The following COL22A1 variants were observed in gnomAD, a reference collection of about 807,000 sequenced individuals.
COL22A1 encodes collagen type XXII alpha 1 chain.
COL22A1 carries 221 observed loss-of-function variants against 248.9 expected under a neutral mutation model. The observed-to-expected ratio is 0.89, with a 90% CI of 0.80 to 0.99. The LOEUF (loss-of-function observed/expected upper bound fraction) is 0.99, where lower values mean the gene tolerates loss of function less well. COL22A1 is among the 50% of genes least tolerant of loss of function. The pLI, the probability that COL22A1 is intolerant of heterozygous loss-of-function variation, is 0.00. For synonymous variants in COL22A1, 891 were observed against 793.4 expected (o/e 1.12, Z -2.07); for missense variants, 2,240 against 2,179.0 (o/e 1.03, Z -0.56).
At chr8:138,868,341 G>A (rs989542759) in intron 3 of COL22A1, among the ~76,000 whole-genome samples, 2 of 152,086 alleles carry the variant, frequency 1.3e-5, no homozygotes, top group Non-Finnish European at 2.9e-5. Context: ...AGGAGTGGGA[G>A]AGAATCTTAG....
chr8:138,616,368 C>A (rs1033913206), intron 54 of COL22A1, among the ~76,000 whole-genome samples: 1 of 152,186 alleles, frequency 6.6e-6, no homozygotes, highest in Non-Finnish European at 1.5e-5. Flanking sequence ...TCCACTTGAC[C>A]CTCTCTACAC....
At chr8:138,677,987 A>T (rs1413272116) in intron 40 of COL22A1, among the ~76,000 whole-genome samples, 1 of 152,232 alleles carries the variant, frequency 6.6e-6, no homozygotes, top group Non-Finnish European at 1.5e-5. Context: ...AGAACTCGAT[A>T]TTGCTAGGTA....
At chr8:138,709,027 A>G (rs1828722506) in intron 30 of COL22A1, among the ~76,000 whole-genome samples, 1 of 152,250 alleles carries the variant, frequency 6.6e-6, no homozygotes. Context: ...GCCAACAGAC[A>G]CATGAAAAAA....
At chr8:138,843,961 T>A (rs996123116) in intron 4 of COL22A1, 123 bp downstream of exon 4, 2 of 846,896 alleles carry the variant, frequency 2.4e-6, no homozygotes, top group Non-Finnish European at 4.1e-6. Context: ...TTATCAGGAC[T>A]CTGGTGAAAT....
chr8:138,589,040 CAAT>C lies in COL22A1; in HGVS notation c.*210_*212del, dbSNP rs1329581026. On this transcript the variant is annotated 3_prime_UTR_variant, in exon 65 of 65. Transcript: ENST00000303045. ...AAATAATAATAATAATTAACAACAA[CAAT>C]AATATTAATAATAATCTGACCGACC... The C allele has an allele frequency of 1.6e-5, 8 of 507,478 alleles. No homozygotes were observed. The highest frequency in any genetic ancestry group is 5.1e-4 in the Middle Eastern group (1 of 1,948). 31.4% of individuals were successfully genotyped at this position (507,478 alleles called of 1,614,324 possible). A position where few individuals can be genotyped will look rare whatever the true frequency, so the allele number is the denominator to read the frequency against.
At position 138,623,754 on chromosome 8, in the gene COL22A1, T is replaced by G. The variant is rs1820020505; in HGVS notation, c.3749A>C (p.Lys1250Thr). ...GEEGKEGRDGKPGPPGEPGKA... is the reference protein window; with the variant it reads ...GEEGKEGRDGTPGPPGEPGKA... ...TACCGGCTCTCCAGGGGGACCCGGC[T>G]TTCCATCTCTGCCCTCTTTGCCTTC... Residue 1250 changes from lysine (K) to threonine (T), a missense_variant, in exon 52 of 65, where the codon AAG (lysine) becomes ACG (threonine). By Grantham distance (78) the Lys-to-Thr change is moderately conservative. Coordinates refer to ENST00000303045, the MANE Select transcript of COL22A1 (RefSeq NM_152888.3). 1 of 1,612,500 alleles carries G rather than the reference T, an allele frequency of 6.2e-7. No homozygotes were observed. The highest frequency in any genetic ancestry group is 1.3e-5 in the African/African-American group (1 of 74,822).
At chr8:138,750,241 C>T (rs1188508682) in intron 22 of COL22A1, among the ~76,000 whole-genome samples, 4 of 152,186 alleles carry the variant, frequency 2.6e-5, no homozygotes, top group Admixed American at 6.5e-5. Context: ...TTATTAGCAG[C>T]GTGAGAACAG....
intron 2 of COL22A1, among the ~76,000 whole-genome samples, chr8:138,881,564 A>G (rs1824212363): frequency 6.6e-6 from 1 of 152,208 alleles, no homozygotes; most frequent in South Asian, 2.1e-4. Flanking sequence ...AGGCGCCTGT[A>G]GTCCCAGCTA....
chr8:138,615,123 G>A (rs912951124), intron 55 of COL22A1, among the ~76,000 whole-genome samples: 8 of 152,204 alleles, frequency 5.3e-5, no homozygotes, highest in African/African-American at 1.9e-4. Flanking sequence ...TGGAGCTGGT[G>A]GATTCTGGGC....
intron 5 of COL22A1, among the ~76,000 whole-genome samples, chr8:138,827,543 C>T (rs1309846807): frequency 6.6e-6 from 1 of 152,066 alleles, no homozygotes; most frequent in Admixed American, 6.5e-5. Context: ...GGATGTAGCA[C>T]ATCCTCTTCT....
intron 63 of COL22A1, among the ~76,000 whole-genome samples, chr8:138,592,818 T>G (rs1038101782): frequency 7.2e-5 from 11 of 152,188 alleles, no homozygotes; most frequent in Non-Finnish European, 1.5e-4. Context: ...TTATTATTAA[T>G]TATATAAGCT....
chr8:138,651,515 A>G (rs1822737935), intron 45 of COL22A1, among the ~76,000 whole-genome samples: 1 of 152,182 alleles, frequency 6.6e-6, no homozygotes, highest in East Asian at 1.9e-4. Flanking sequence ...AGCTGATTGG[A>G]TTATTTGGAG....
At chr8:138,834,347 G>GA (rs71316365) in intron 4 of COL22A1, among the ~76,000 whole-genome samples, 7,819 of 128,274 alleles carry the variant, frequency 0.061, 246 homozygotes, top group Non-Finnish European at 0.093. Context: ...AAGAGAAAAA[G>GA]AAAAAAAAAA....
intron 47 of COL22A1, among the ~76,000 whole-genome samples, chr8:138,642,220 G>A (rs1417426121): frequency 6.6e-6 from 1 of 152,172 alleles, no homozygotes; most frequent in Non-Finnish European, 1.5e-5. Flanking sequence ...TACTGAAGTT[G>A]GACTACTAGT....
At chr8:138,645,315 C>T (rs1031236810) in intron 47 of COL22A1, among the ~76,000 whole-genome samples, 2 of 152,160 alleles carry the variant, frequency 1.3e-5, no homozygotes, top group African/African-American at 4.8e-5. Flanking sequence ...ATGTAAGTCT[C>T]CCATAAAGGG....
rs200319040 is a variant in COL22A1, at chr8:138,694,548, C to T, written c.2660G>A (p.Arg887His). The change falls in exon 34 of 65, where the codon CGT becomes CAT. Residue 887 changes from arginine (R) to histidine (H), a missense_variant. Coordinates refer to ENST00000303045, the MANE Select transcript of COL22A1 (RefSeq NM_152888.3). ...TCCCTGAGGCCCCAATTCTCCAGGA[C>T]GGCCCTGCAGTCCCTGTAAGCACAC... The part of the protein sequence containing the change: ...GLPGEPGLQG[R>H]PGELGPQGPT... 62 of 1,613,940 alleles carry T rather than the reference C, an allele frequency of 3.8e-5. 1 individual carries two copies. The highest frequency in any genetic ancestry group is 2.5e-4 in the Admixed American group (15 of 59,992).
At chr8:138,897,640 T>C (rs1208667479) in intron 1 of COL22A1, among the ~76,000 whole-genome samples, 4 of 152,158 alleles carry the variant, frequency 2.6e-5, no homozygotes, top group African/African-American at 4.8e-5. Flanking sequence ...ACAAGCTTTG[T>C]TCCCATTGCC....
intron 37 of COL22A1, among the ~76,000 whole-genome samples, chr8:138,687,984 T>C (rs1472708627): frequency 6.6e-6 from 1 of 152,178 alleles, no homozygotes; most frequent in Non-Finnish European, 1.5e-5. Flanking sequence ...CTAGCTTATA[T>C]CAATGCAACT....
rs143268593 is a variant in COL22A1, at chr8:138,711,639, T to C, written c.2517+4043A>G. On this transcript the variant is annotated intron_variant, in intron 30 of 64. Coordinates refer to ENST00000303045, the MANE Select transcript of COL22A1 (RefSeq NM_152888.3). Reference sequence around the variant, plus strand: ...GCTCTCTATTTATAGACCGCAAGTCTGCCTGGAGCAAAGTCCTCAGCCTCC... The same window carrying C: ...GCTCTCTATTTATAGACCGCAAGTCCGCCTGGAGCAAAGTCCTCAGCCTCC... Among the ~76,000 whole-genome samples the C allele has an allele frequency of 3.0e-4, 45 of 152,352 alleles. No homozygotes were observed. The East Asian group carries it at 7.5e-3, about 25-fold the overall frequency.
Sources: gnomAD v4.1 joint callset for allele counts (sites outside exome capture counted in the v4.1 genomes callset) on GRCh38, gnomAD v4.1.1 for gene constraint, MANE v1.5 for transcripts, NCBI Gene and HGNC (gene_info 2026-07-23, HGNC 2026-07-21) for gene names.